The following SERF1B variants were observed in gnomAD, a reference collection of about 807,000 sequenced individuals.
SERF1B encodes the protein small EDRK-rich factor 1B, also known as small EDRK-rich factor 1.
intron 2 of SERF1B, among the ~76,000 whole-genome samples, chr5:70,029,338 G>C (rs1344761406): frequency 1.3e-5 from 2 of 151,396 alleles, no homozygotes; most frequent in Non-Finnish European, 2.9e-5. Context: ...GTTTCACCGT[G>C]TTGGCCAGGC....
intron 2 of SERF1B, chr5:70,029,713 A>C: frequency 2.2e-6 from 1 of 454,702 alleles, no homozygotes; most frequent in South Asian, 1.6e-5. Flanking sequence ...AAATGAGATT[A>C]AAGACCTTAA....
At chr5:70,032,293 AT>A in intron 2 of SERF1B, 1 of 505,242 alleles carries the variant, frequency 2.0e-6, no homozygotes, top group Non-Finnish European at 3.5e-6. Context: ...GTAACAACTT[AT>A]AGACTTTTCC....
At chr5:70,028,832 T>G (rs1175995644) in intron 2 of SERF1B, among the ~76,000 whole-genome samples, 1 of 139,540 alleles carries the variant, frequency 7.2e-6, no homozygotes, top group Non-Finnish European at 1.6e-5. Context: ...AAAAAATTAG[T>G]CGGGCGCAGT....
intron 2 of SERF1B, among the ~76,000 whole-genome samples, chr5:70,038,437 C>T (rs1415333550): frequency 1.1e-5 from 1 of 90,382 alleles, no homozygotes; most frequent in Non-Finnish European, 2.1e-5. Context: ...GGTGAAACCC[C>T]GTCTCTACTA....
chr5:70,037,515 G>A (rs1774207698), intron 2 of SERF1B, among the ~76,000 whole-genome samples: 2 of 148,690 alleles, frequency 1.3e-5, no homozygotes, highest in Admixed American at 1.3e-4. Context: ...CAGGTATGGT[G>A]GTGTGTGCCT....
At chr5:70,037,805 A>G (rs1323999751) in intron 2 of SERF1B, among the ~76,000 whole-genome samples, 1 of 115,400 alleles carries the variant, frequency 8.7e-6, no homozygotes, top group Non-Finnish European at 1.7e-5. Flanking sequence ...TACTAAAAAT[A>G]CAAAAATTAG....
Position 70,032,232 on chromosome 5 carries a change from C to CAT in SERF1B, c.116+5717_116+5718insAT, listed in dbSNP as rs2112443292. 4 of 569,500 alleles carry CAT rather than the reference C, an allele frequency of 7.0e-6. No individual in the cohort carries two copies. In the East Asian group the frequency reaches 1.3e-4, roughly 18 times the overall value. 35.3% of individuals were successfully genotyped at this position (569,500 alleles called of 1,614,324 possible). A position where few individuals can be genotyped will look rare whatever the true frequency, so the allele number is the denominator to read the frequency against. On this transcript the variant is annotated intron_variant, in intron 2 of 2. Coordinates refer to ENST00000380750, the MANE Select transcript of SERF1B (RefSeq NM_022978.3). The stretch of plus-strand genomic sequence containing the variant: ...CTCTTTTAAATTGTCTTCTAATACA[C>CAT]TGAATGGGTTATGTGTAGAAACCAA...
At chr5:70,035,324 C>T (rs1374043578) in intron 2 of SERF1B, among the ~76,000 whole-genome samples, 1 of 131,218 alleles carries the variant, frequency 7.6e-6, no homozygotes, top group Non-Finnish European at 1.6e-5. Context: ...GCTGGGATTA[C>T]AGATATGAGC....
chr5:70,036,629 A>ACACACACTCTCTCTCTCT (rs763495681), intron 2 of SERF1B, among the ~76,000 whole-genome samples: 10 of 49,882 alleles, frequency 2.0e-4, no homozygotes, highest in African/African-American at 3.3e-4. Context: ...ACACACACAC[A>ACACACACTCTCTCTCTCT]CTCTCTCTCT....
intron 2 of SERF1B, among the ~76,000 whole-genome samples, chr5:70,038,239 C>T (rs1419339306): frequency 6.6e-6 from 1 of 150,558 alleles, no homozygotes; most frequent in Non-Finnish European, 1.5e-5. Context: ...TAGCCTTATA[C>T]CACTCAAGGG....
intron 2 of SERF1B, among the ~76,000 whole-genome samples, chr5:70,036,537 A>C (rs1278841683): frequency 2.4e-5 from 3 of 122,640 alleles, no homozygotes; most frequent in African/African-American, 1.2e-4. Context: ...CAGTGAGCCG[A>C]GATTGCACCA....
intron 2 of SERF1B, among the ~76,000 whole-genome samples, chr5:70,036,627 ACACTCT>A (rs1209133332): frequency 4.4e-4 from 22 of 50,338 alleles, no homozygotes; most frequent in Admixed American, 8.6e-4. Context: ...ACACACACAC[ACACTCT>A]CTCTCTCTCT....
Position 70,036,627 on chromosome 5 carries a change from ACACT to A in SERF1B, c.117-4895_117-4892del, listed in dbSNP as rs1279242548. Among the ~76,000 whole-genome samples the A allele has an allele frequency of 1.7e-3, 87 of 50,322 alleles. 1 individual carries two copies. The highest frequency in any genetic ancestry group is 3.6e-3 in the Non-Finnish European group (71 of 19,836). 33.0% of individuals were successfully genotyped at this position (50,322 alleles called of 152,430 possible). A position where few individuals can be genotyped will look rare whatever the true frequency, so the allele number is the denominator to read the frequency against. Reference sequence around the variant, plus strand: ...CACACACACACACACACACACACACACACTCTCTCTCTCTCTCTCTCTCTCTCTC... The same window carrying A: ...CACACACACACACACACACACACACACTCTCTCTCTCTCTCTCTCTCTCTC... On this transcript the variant is annotated intron_variant, in intron 2 of 2. Transcript: ENST00000380750.
chr5:70,038,490 G>A (rs1774232042), intron 2 of SERF1B, among the ~76,000 whole-genome samples: 1 of 57,750 alleles, frequency 1.7e-5, no homozygotes, highest in Non-Finnish European at 3.4e-5. Flanking sequence ...GGCGCCTGTA[G>A]TCCCAGCTAC....
chr5:70,032,191 C>CA (rs1774147298), intron 2 of SERF1B: 5 of 1,355,154 alleles, frequency 3.7e-6, no homozygotes, highest in Non-Finnish European at 5.0e-6. Flanking sequence ...AATGGAAAGA[C>CA]AAAAAAGTTT....
At chr5:70,036,656 C>CTCTCTCTCTCTT (rs1382517916) in intron 2 of SERF1B, among the ~76,000 whole-genome samples, 2 of 150,512 alleles carry the variant, frequency 1.3e-5, no homozygotes, top group African/African-American at 5.0e-5. Flanking sequence ...CTCTCTCTCT[C>CTCTCTCTCTCTT]TCTCTCTCAA....
chr5:70,041,238 G>A (rs1202708646), intron 2 of SERF1B, among the ~76,000 whole-genome samples: 10 of 149,204 alleles, frequency 6.7e-5, no homozygotes, highest in Non-Finnish European at 1.2e-4. Context: ...TTGGTGGGAG[G>A]TAGTGGTATC....
intron 2 of SERF1B, among the ~76,000 whole-genome samples, chr5:70,029,214 C>A (rs865804201): frequency 9.4e-4 from 142 of 151,706 alleles, no homozygotes; most frequent in African/African-American, 3.2e-3. Context: ...CGGCTCACTG[C>A]AACCTCCACC....
chr5:70,036,627 A>ACTCTCTCTCTCT lies in SERF1B; in HGVS notation c.117-4896_117-4895insTCTCTCTCTCTC, dbSNP rs1190752176. 8.2e-3 allele frequency among the ~76,000 whole-genome samples: 409 copies of ACTCTCTCTCTCT among 50,004 alleles called. 3 individuals carry two copies. Among genetic ancestry groups the ACTCTCTCTCTCT allele is most frequent in the African/African-American group, 0.023 (351 of 15,546 alleles). 32.8% of individuals were successfully genotyped at this position (50,004 alleles called of 152,430 possible). On this transcript the variant is annotated intron_variant, in intron 2 of 2. Transcript: ENST00000380750. ...CACACACACACACACACACACACACACACTCTCTCTCTCTCTCTCTCTCTC... is the reference window on the plus strand; with the variant it reads ...CACACACACACACACACACACACACACTCTCTCTCTCTCACTCTCTCTCTCTCTCTCTCTCTC...
Sources: allele counts gnomAD v4.1 joint callset (sites outside exome capture counted in the v4.1 genomes callset), GRCh38; gene constraint gnomAD v4.1.1; transcripts MANE v1.5; gene names NCBI Gene and HGNC (gene_info 2026-07-23, HGNC 2026-07-21).